Variants in HDX observed in about 807,000 individuals in gnomAD.
HDX encodes the protein chromosome X open reading frame 43.
A neutral mutation model predicts 45.2 loss-of-function variants in HDX; 19 were observed. That is an observed-to-expected ratio of 0.42 (90% confidence interval 0.29 to 0.62). HDX has a LOEUF of 0.62. Ranked by LOEUF, HDX falls within the 20% of genes least tolerant of loss-of-function variation. The pLI, the probability that HDX is intolerant of heterozygous loss-of-function variation, is 0.20. For synonymous variants in HDX, 188 were observed against 172.8 expected (o/e 1.09, Z -0.69); for missense variants, 532 against 493.9 (o/e 1.08, Z -0.73).
chrX:84,387,116 CTT>C (rs1298060883), intron 5 of HDX, among the ~76,000 whole-genome samples: 1 of 111,726 alleles, frequency 9.0e-6, no homozygotes, highest in Non-Finnish European at 1.9e-5. Context: ...TTAAGAAACA[CTT>C]TGTCTAATTT....
chrX:84,501,733 C>G (rs974489675), intron 1 of HDX, among the ~76,000 whole-genome samples: 3 of 111,725 alleles, frequency 2.7e-5, no homozygotes, highest in Non-Finnish European at 5.6e-5. Context: ...AGATCTCTCC[C>G]CATCAACTGG....
At chrX:84,421,647 A>G (rs1363933507) in intron 5 of HDX, among the ~76,000 whole-genome samples, 3 of 109,949 alleles carry the variant, frequency 2.7e-5, no homozygotes, top group South Asian at 3.9e-4. Flanking sequence ...AAAAAAAAAA[A>G]ACCATTGATC....
At chrX:84,463,326 A>G (rs1254958346) in intron 4 of HDX, among the ~76,000 whole-genome samples, 1 of 111,418 alleles carries the variant, frequency 9.0e-6, no homozygotes, top group African/African-American at 3.3e-5. Context: ...CTCAGGTAAA[A>G]TAACATTTGA....
chrX:84,390,760 A>G (rs1487750530), intron 5 of HDX, among the ~76,000 whole-genome samples: 1 of 112,743 alleles, frequency 8.9e-6, no homozygotes, highest in African/African-American at 3.2e-5. Flanking sequence ...GTAAGTGAAA[A>G]TGATTACTTA....
chrX:84,475,219 T>C (rs754138316), intron 3 of HDX, 32 bp downstream of exon 3: 38 of 1,143,138 alleles, frequency 3.3e-5, no homozygotes, highest in Non-Finnish European at 4.2e-5. Flanking sequence ...AATAAGAAGC[T>C]TTAAATTTGA....
intron 4 of HDX, among the ~76,000 whole-genome samples, chrX:84,445,523 C>T (rs1172941988): frequency 1.8e-5 from 2 of 110,397 alleles, no homozygotes; most frequent in African/African-American, 6.6e-5. Flanking sequence ...TTAACTTGGG[C>T]ATTTATTATT....
chrX:84,486,938 T>C (rs1226903901), intron 2 of HDX, among the ~76,000 whole-genome samples: 1 of 111,749 alleles, frequency 8.9e-6, no homozygotes, highest in East Asian at 2.8e-4. Flanking sequence ...TACACCAATC[T>C]CTCTCCTGTC....
chrX:84,343,852 C>T (rs778279723), intron 7 of HDX, among the ~76,000 whole-genome samples: 44 of 110,995 alleles, frequency 4.0e-4, no homozygotes, highest in African/African-American at 1.3e-3. Flanking sequence ...CATGAGAAGT[C>T]GCATGAAAAG....
intron 5 of HDX, among the ~76,000 whole-genome samples, chrX:84,396,567 G>A (rs1050925975): frequency 1.8e-5 from 2 of 112,240 alleles, no homozygotes; most frequent in African/African-American, 6.5e-5. Flanking sequence ...AGATGGGTGG[G>A]AAAGTTCTCA....
intron 5 of HDX, among the ~76,000 whole-genome samples, chrX:84,436,393 A>T (rs971545181): frequency 5.6e-5 from 6 of 106,377 alleles, no homozygotes; most frequent in Non-Finnish European, 1.2e-4. Flanking sequence ...AAAGTATAAT[A>T]AAAAAAAAGA....
chrX:84,389,278 G>C (rs931104718), intron 5 of HDX, among the ~76,000 whole-genome samples: 2 of 111,699 alleles, frequency 1.8e-5, no homozygotes, highest in Non-Finnish European at 3.8e-5. Context: ...CCACTGCCAC[G>C]CCTGGCTTTC....
chrX:84,378,855 G>A (rs892731942), intron 5 of HDX, among the ~76,000 whole-genome samples: 1 of 111,069 alleles, frequency 9.0e-6, no homozygotes, highest in African/African-American at 3.3e-5. Flanking sequence ...AAAACACATA[G>A]ATGACTGAAT....
rs1007399854 is a variant in HDX at position 84,319,637 on chromosome X, A to C, written c.*2252T>G. On this transcript the variant is annotated 3_prime_UTR_variant, in exon 11 of 11. Coordinates refer to ENST00000373177, the MANE Select transcript of HDX (RefSeq NM_001177479.2). ...GATTTATATAGTTTCTATTTTGATGAAATGTTAAACAGAGACAAAAAGATC... is the reference window on the plus strand; with the variant it reads ...GATTTATATAGTTTCTATTTTGATGCAATGTTAAACAGAGACAAAAAGATC... 5.4e-5 allele frequency: 6 copies of C among 111,373 alleles called. No individual in the cohort carries two copies. Among genetic ancestry groups the C allele is most frequent in the Non-Finnish European group, 1.1e-4 (6 of 52,558 alleles). The allele number at this position is 111,373 out of a possible 1,213,427, so 9.2% of individuals were successfully genotyped here.
intron 9 of HDX, among the ~76,000 whole-genome samples, chrX:84,327,590 C>CA (rs892023407): frequency 5.5e-5 from 6 of 108,947 alleles, no homozygotes; most frequent in Non-Finnish European, 7.7e-5. Flanking sequence ...AATCCACATG[C>CA]AAAAAAAAAG....
intron 1 of HDX, among the ~76,000 whole-genome samples, chrX:84,501,254 C>A (rs750736941): frequency 9.0e-6 from 1 of 111,573 alleles, no homozygotes; most frequent in African/African-American, 3.3e-5. Context: ...AATATAACAG[C>A]CTTCCCAATG....
intron 6 of HDX, among the ~76,000 whole-genome samples, chrX:84,357,338 T>G (rs1182612699): frequency 1.8e-5 from 2 of 111,212 alleles, no homozygotes; most frequent in Non-Finnish European, 3.8e-5. Context: ...GGGAAAGGGT[T>G]TAAAGATAAA....
chrX:84,436,319 C>T (rs1238424409), intron 5 of HDX, among the ~76,000 whole-genome samples: 1 of 102,613 alleles, frequency 9.7e-6, no homozygotes, highest in African/African-American at 3.5e-5. Flanking sequence ...GGGAGATATA[C>T]CTAATGCTAG....
At chrX:84,353,821 G>T (rs1215360800) in intron 6 of HDX, among the ~76,000 whole-genome samples, 1 of 111,117 alleles carries the variant, frequency 9.0e-6, no homozygotes, top group Non-Finnish European at 1.9e-5. Flanking sequence ...AAATATCAGG[G>T]ATATAAAACA....
chrX:84,436,284 G>A (rs1233193501), intron 5 of HDX, among the ~76,000 whole-genome samples: 1 of 68,823 alleles, frequency 1.5e-5, no homozygotes, highest in Non-Finnish European at 2.7e-5. Context: ...GTGGTGGGGT[G>A]GGGGGAGGGG....
Sources: allele counts gnomAD v4.1 joint callset (sites outside exome capture counted in the v4.1 genomes callset), GRCh38; gene constraint gnomAD v4.1.1; transcripts MANE v1.5; gene names NCBI Gene and HGNC (gene_info 2026-07-23, HGNC 2026-07-21).